ETNK2: variants seen among roughly 807,000 people sequenced by gnomAD.
ETNK2 encodes the protein ethanolamine kinase-like protein.
A neutral mutation model predicts 46.2 loss-of-function variants in ETNK2; 33 were observed. That is an observed-to-expected ratio of 0.71 (90% CI 0.54 to 0.96). The LOEUF (loss-of-function observed/expected upper bound fraction) is 0.96. Ranked by LOEUF, ETNK2 falls within the 40% of genes least tolerant of loss-of-function variation. ETNK2 has a pLI of 0.00. For missense variants in ETNK2, 445 were observed against 509.7 expected, an observed-to-expected ratio of 0.87 and a Z score of 1.22; for synonymous variants, 194 against 209.0, an observed-to-expected ratio of 0.93 and a Z score of 0.62.
In ETNK2 at chr1:204,151,695, T is replaced by C. The variant is rs1344180089; in HGVS notation, c.158A>G (p.Tyr53Cys). The C allele has an allele frequency of 6.5e-7, 1 of 1,545,336 alleles. No homozygotes were observed. Among genetic ancestry groups the C allele is most frequent in the South Asian group, 1.2e-5 (1 of 83,490 alleles). ...PGPPRAAAVA[Y>C]FGISVDPDDI... Reference sequence around the variant, plus strand: ...GTCCGGGTCCACGGAAATGCCGAAGTACGCGACGGCGGCGGCCCTCGGGGG... The same window carrying C: ...GTCCGGGTCCACGGAAATGCCGAAGCACGCGACGGCGGCGGCCCTCGGGGG... The change falls in exon 1 of 8, where the codon TAC (tyrosine) becomes TGC (cysteine). Residue 53 changes from tyrosine to cysteine, a missense_variant. Physicochemically the swap from Tyr to Cys is radical, Grantham distance 194. Coordinates refer to ENST00000367202, the MANE Select transcript of ETNK2 (RefSeq NM_018208.4). The surrounding 1 kb of genome is among the most constrained non-coding windows in gnomAD (Gnocchi z 8.0).
intron 7 of ETNK2, 49 bp downstream of exon 7, chr1:204,134,466 A>C: frequency 1.3e-6 from 2 of 1,599,380 alleles, no homozygotes; most frequent in African/African-American, 1.3e-5. Context: ...CCTGGGCTCA[A>C]CCAAGGCTCT....
intron 2 of ETNK2, 80 bp downstream of exon 2, chr1:204,149,623 C>T: frequency 1.4e-6 from 2 of 1,481,336 alleles, no homozygotes; most frequent in East Asian, 2.5e-5. Flanking sequence ...CAACTCTCCA[C>T]CATGGACCCC....
chr1:204,141,128 T>C (rs547394542), intron 4 of ETNK2, 187 bp downstream of exon 4: 118 of 777,634 alleles, frequency 1.5e-4, no homozygotes, highest in African/African-American at 1.1e-3. Flanking sequence ...GACTGGCCCT[T>C]GGCACAGACT....
intron 3 of ETNK2, among the ~76,000 whole-genome samples, chr1:204,142,448 C>T (rs537481860): frequency 9.2e-5 from 14 of 152,252 alleles, no homozygotes; most frequent in African/African-American, 3.4e-4. Context: ...TTATCAGAGG[C>T]CATGTGGAAG....
At position 204,141,463 on chromosome 1, in the gene ETNK2, C is replaced by T. The variant is rs1657534212; in HGVS notation, c.642-6G>A. The T allele has an allele frequency of 1.9e-6, 3 of 1,573,204 alleles. No individual in the cohort carries two copies. In the East Asian group the frequency reaches 7.0e-5, roughly 37 times the overall value. ...TAGGGACATCTGCAGAAAGGCTGGGCAGTGGCAAAAAAGGTAGCCAGTGAA... is the reference window on the plus strand; with the variant it reads ...TAGGGACATCTGCAGAAAGGCTGGGTAGTGGCAAAAAAGGTAGCCAGTGAA... On this transcript the variant is annotated splice_region_variant and splice_polypyrimidine_tract_variant and intron_variant, in intron 3 of 7. Coordinates refer to ENST00000367202, the MANE Select transcript of ETNK2 (RefSeq NM_018208.4).
chr1:204,134,204 T>C (rs1258076609), intron 7 of ETNK2, among the ~76,000 whole-genome samples: 1 of 151,760 alleles, frequency 6.6e-6, no homozygotes, highest in East Asian at 2.0e-4. Context: ...AACGATCCCA[T>C]CCACCACCAG....
In ETNK2 at chr1:204,132,242, C is replaced by T. The variant is rs1204965218; in HGVS notation, c.1103G>A (p.Arg368Gln). Residue 368 changes from arginine (R) to glutamine (Q), a missense_variant, in exon 8 of 8, where the codon CGA (arginine) becomes CAA (glutamine). By Grantham distance (43) the Arg-to-Gln change is conservative (BLOSUM62 1). Transcript: ENST00000367202. ...DFDFLRYAVI[R>Q]FNQYFKVKPQ... ...CTTCACCTTGAAGTACTGGTTGAATCGGATCACTGCGTACCTGTGGGGAAG... is the reference window on the plus strand; with the variant it reads ...CTTCACCTTGAAGTACTGGTTGAATTGGATCACTGCGTACCTGTGGGGAAG... 7.6e-6 allele frequency: 12 copies of T among 1,569,636 alleles called. No individual in the cohort carries two copies. Among genetic ancestry groups the T allele is most frequent in the East Asian group, 4.7e-5 (2 of 42,510 alleles).
chr1:204,134,265 AG>A (rs1657194352), intron 7 of ETNK2, among the ~76,000 whole-genome samples: 1 of 152,226 alleles, frequency 6.6e-6, no homozygotes, highest in Non-Finnish European at 1.5e-5. Flanking sequence ...AGTAGGCGGT[AG>A]GATTTCGTGG....
chr1:204,138,923 CT>C (rs958279463), intron 5 of ETNK2: 16 of 152,376 alleles, frequency 1.1e-4, no homozygotes, highest in African/African-American at 2.9e-4. Context: ...AATCACCCCC[CT>C]ATCCTGCCTC....
chr1:204,143,278 C>T (rs4951309), intron 3 of ETNK2, among the ~76,000 whole-genome samples: 65,621 of 150,950 alleles, frequency 0.43, 14,339 homozygotes, highest in East Asian at 0.49. Flanking sequence ...TAGGAGGGTT[C>T]CTTTGGTTTG....
chr1:204,141,551 C>T, intron 3 of ETNK2, 94 bp from the exon 4 acceptor site: 1 of 1,380,114 alleles, frequency 7.2e-7, no homozygotes, highest in Non-Finnish European at 9.8e-7. Flanking sequence ...ATCACTCCCT[C>T]TGTCTTACTG....
intron 3 of ETNK2, among the ~76,000 whole-genome samples, chr1:204,144,370 G>A (rs1407119267): frequency 0.028 from 1,397 of 50,792 alleles, 1 homozygote; most frequent in Non-Finnish European, 0.033. Flanking sequence ...AAAAAAAAAA[G>A]CCATTTCCTA....
At chr1:204,147,419 A>T (rs1479133942) in intron 2 of ETNK2, 1 of 533,088 alleles carries the variant, frequency 1.9e-6, no homozygotes, top group African/African-American at 1.9e-5. Context: ...GGGTGGTAGG[A>T]AAGGTTGCTG....
chr1:204,145,889 C>T (rs1443672008), intron 3 of ETNK2, among the ~76,000 whole-genome samples: 5 of 152,138 alleles, frequency 3.3e-5, no homozygotes, highest in African/African-American at 1.2e-4. Context: ...CCATCCTTTC[C>T]TCGGCACTCA....
intron 6 of ETNK2, among the ~76,000 whole-genome samples, 181 bp downstream of exon 6, chr1:204,136,923 A>G (rs1657308240): frequency 1.3e-5 from 2 of 152,160 alleles, no homozygotes; most frequent in Non-Finnish European, 1.5e-5. Flanking sequence ...GGCATCAAGT[A>G]TTAAGAGCTG....
Position 204,151,958 on chromosome 1 carries a change from C to T in ETNK2, c.-106G>A, listed in dbSNP as rs1658027454. The T allele has an allele frequency of 2.5e-6, 3 of 1,203,672 alleles. No homozygotes were observed. In the South Asian group the frequency reaches 7.4e-5, roughly 30 times the overall value. 74.6% of individuals were successfully genotyped at this position (1,203,672 alleles called of 1,614,324 possible). A position where few individuals can be genotyped will look rare whatever the true frequency, so the allele number is the denominator to read the frequency against. On this transcript the variant is annotated 5_prime_UTR_variant, in exon 1 of 8. Coordinates refer to ENST00000367202, the MANE Select transcript of ETNK2 (RefSeq NM_018208.4). The surrounding 1 kb of genome is among the most constrained non-coding windows in gnomAD (Gnocchi z 8.0). ...AGGAGGGGCCAGGGGAAGTCCATGA[C>T]TCAGGCGCGAGCTGCCCGCTTCGAT...
At chr1:204,147,041 T>C (rs1657815120) in intron 2 of ETNK2, 1 of 580,810 alleles carries the variant, frequency 1.7e-6, no homozygotes, top group Non-Finnish European at 3.3e-6. Flanking sequence ...AGTGGGGCTG[T>C]TGGTCACAGG....
intron 7 of ETNK2, 147 bp downstream of exon 7, chr1:204,134,368 C>T: frequency 1.2e-6 from 1 of 832,766 alleles, no homozygotes; most frequent in South Asian, 1.8e-5. Context: ...GATAGTGGCC[C>T]CGCTGGAGAT....
chr1:204,150,382 T>C (rs1417942556), intron 1 of ETNK2: 3 of 233,654 alleles, frequency 1.3e-5, no homozygotes, highest in Admixed American at 5.1e-5. Context: ...CAGCTGCCAA[T>C]CACCTTGTGC....
Sources: gnomAD v4.1 joint callset for allele counts (sites outside exome capture counted in the v4.1 genomes callset) on GRCh38, gnomAD v4.1.1 for gene constraint, Gnocchi (gnomAD v3.1) non-coding constraint, MANE v1.5 for transcripts, NCBI Gene and HGNC (gene_info 2026-07-23, HGNC 2026-07-21) for gene names.